The following WDR25 variants were observed in gnomAD, a reference collection of about 807,000 sequenced individuals.
The protein encoded by WDR25 is WD repeat domain 25.
A neutral mutation model predicts 47.7 loss-of-function variants in WDR25; 35 were observed. The ratio of observed to expected loss-of-function variants is 0.73; its 90% CI spans 0.56 to 0.97. The LOEUF (loss-of-function observed/expected upper bound fraction) is 0.97, where lower values mean the gene tolerates loss of function less well. Ranked by LOEUF, WDR25 falls within the 50% of genes least tolerant of loss-of-function variation. The pLI is 0.00. For missense variants in WDR25, 634 were observed against 704.7 expected, an observed-to-expected ratio of 0.90 and a Z score of 1.14; for synonymous variants, 248 against 278.9, an observed-to-expected ratio of 0.89 and a Z score of 1.10.
At chr14:100,408,874 G>T (rs1897624615) in intron 2 of WDR25, among the ~76,000 whole-genome samples, 1 of 152,134 alleles carries the variant, frequency 6.6e-6, no homozygotes, top group Non-Finnish European at 1.5e-5. Context: ...TATGCTCATT[G>T]TAGAAAATAC....
intron 2 of WDR25, among the ~76,000 whole-genome samples, chr14:100,383,730 C>T (rs1896957412): frequency 6.6e-6 from 1 of 152,230 alleles, no homozygotes. Context: ...TGAGTAGAGG[C>T]ATTGATTTCT....
intron 2 of WDR25, 107 bp downstream of exon 2, chr14:100,381,853 G>A: frequency 1.1e-6 from 1 of 922,464 alleles, no homozygotes; most frequent in Non-Finnish European, 1.6e-6. Flanking sequence ...TTTGTGTGCA[G>A]ATTTCTGTAA....
chr14:100,408,466 C>G (rs1031739317), intron 2 of WDR25, among the ~76,000 whole-genome samples: 5 of 152,172 alleles, frequency 3.3e-5, no homozygotes, highest in African/African-American at 9.7e-5. Context: ...GCCATGTTCT[C>G]TAGGGATGGT....
intron 3 of WDR25, among the ~76,000 whole-genome samples, chr14:100,470,545 A>T (rs1899794969): frequency 6.6e-6 from 1 of 152,180 alleles, no homozygotes; most frequent in South Asian, 2.1e-4. Flanking sequence ...ATTTTTAGAC[A>T]TTCAAAGAGG....
chr14:100,437,756 C>T (rs539403358), intron 2 of WDR25, among the ~76,000 whole-genome samples: 6 of 152,266 alleles, frequency 3.9e-5, no homozygotes, highest in Non-Finnish European at 5.9e-5. Context: ...TCCAACCCTA[C>T]GTTCACCCAC....
At chr14:100,409,765 T>G (rs1033189507) in intron 2 of WDR25, among the ~76,000 whole-genome samples, 3 of 152,200 alleles carry the variant, frequency 2.0e-5, no homozygotes, top group African/African-American at 7.2e-5. Context: ...GTAAGCAGTT[T>G]CCTGGGTGAG....
At chr14:100,419,832 A>C (rs1169466293) in intron 2 of WDR25, among the ~76,000 whole-genome samples, 1 of 152,242 alleles carries the variant, frequency 6.6e-6, no homozygotes. Context: ...ATTATGGGAC[A>C]GAGATGCAAA....
At chr14:100,410,781 A>ATTT (rs560217272) in intron 2 of WDR25, among the ~76,000 whole-genome samples, 1 of 139,166 alleles carries the variant, frequency 7.2e-6, no homozygotes, top group Non-Finnish European at 1.6e-5. Context: ...GTTTAAGCAG[A>ATTT]TTTTTTTTTT....
At chr14:100,476,420 A>G (rs1323434104) in intron 3 of WDR25, 1 of 152,254 alleles carries the variant, frequency 6.6e-6, no homozygotes, top group South Asian at 2.1e-4. Flanking sequence ...ATTTTAGCGA[A>G]GTGAGTCATA....
At chr14:100,460,445 C>G (rs1477440139) in intron 2 of WDR25, among the ~76,000 whole-genome samples, 1 of 152,144 alleles carries the variant, frequency 6.6e-6, no homozygotes, top group East Asian at 1.9e-4. Flanking sequence ...TTTAGCAAAT[C>G]AATCCAACTA....
At chr14:100,378,031 C>T (rs12897338) in intron 1 of WDR25, among the ~76,000 whole-genome samples, 53,498 of 152,058 alleles carry the variant, frequency 0.35, 11,735 homozygotes, top group South Asian at 0.65. Flanking sequence ...CTCTGCTGTC[C>T]TAGGAGTGCC....
intron 3 of WDR25, among the ~76,000 whole-genome samples, chr14:100,477,246 A>G (rs1900047758): frequency 6.6e-6 from 1 of 152,142 alleles, no homozygotes; most frequent in Non-Finnish European, 1.5e-5. Flanking sequence ...AACAAATGGA[A>G]TTTCTGCATT....
At position 100,468,772 on chromosome 14, in the gene WDR25, C is replaced by T. The variant is rs1213385146; in HGVS notation, c.970+604C>T. 6.6e-6 allele frequency among the ~76,000 whole-genome samples: 1 copy of T among 152,084 alleles called. No homozygotes were observed. The highest frequency in any genetic ancestry group is 1.5e-5 in the Non-Finnish European group (1 of 68,002). Reference sequence around the variant, plus strand: ...CTGTCAATACCCACCGCAGCCACAGCCCCCAGGTGGGCTCTCTCCGGGGTT... The same window carrying T: ...CTGTCAATACCCACCGCAGCCACAGTCCCCAGGTGGGCTCTCTCCGGGGTT... On this transcript the variant is annotated intron_variant, in intron 3 of 6. Transcript: ENST00000402312. The surrounding 1 kb of genome is among the most constrained non-coding windows in gnomAD (Gnocchi z 4.5).
chr14:100,441,449 C>T (rs913278512), intron 2 of WDR25, among the ~76,000 whole-genome samples: 1 of 152,082 alleles, frequency 6.6e-6, no homozygotes, highest in Non-Finnish European at 1.5e-5. Flanking sequence ...CCTCTCCAGA[C>T]AGGTCTTACC....
rs561440116 is a variant in WDR25 at position 100,404,799 on chromosome 14, C to T, written c.822+23053C>T. ...TCCTCCTGCCTGCATTCTCCTTCTG[C>T]TGTTACATGGGGGCATGCACCCCTC... On this transcript the variant is annotated intron_variant, in intron 2 of 6. Coordinates refer to ENST00000402312, the MANE Select transcript of WDR25 (RefSeq NM_001161476.3). This position sits in a 1 kb window ranked among gnomAD's most constrained non-coding sequence, Gnocchi z 4.6. Among the ~76,000 whole-genome samples the T allele has an allele frequency of 2.0e-5, 3 of 152,278 alleles. No homozygotes were observed. The highest frequency in any genetic ancestry group is 2.0e-4 in the Admixed American group (3 of 15,304).
chr14:100,414,294 G>A (rs567039502), intron 2 of WDR25, among the ~76,000 whole-genome samples: 82 of 144,348 alleles, frequency 5.7e-4, no homozygotes, highest in African/African-American at 1.9e-3. Flanking sequence ...GAGCCACCGC[G>A]CCCAGCCTAG....
intron 5 of WDR25, among the ~76,000 whole-genome samples, chr14:100,528,786 T>C (rs78159201): frequency 0.022 from 3,369 of 152,286 alleles, 125 homozygotes; most frequent in African/African-American, 0.07. Context: ...CTGGGAAACA[T>C]GGAGGAAACT....
intron 2 of WDR25, among the ~76,000 whole-genome samples, chr14:100,402,526 G>A (rs560750462): frequency 6.6e-6 from 1 of 152,278 alleles, no homozygotes; most frequent in East Asian, 1.9e-4. Flanking sequence ...TCAGCCAGGG[G>A]CCAGGGGTCC....
chr14:100,464,988 T>A (rs1899575847), intron 2 of WDR25, among the ~76,000 whole-genome samples: 1 of 150,694 alleles, frequency 6.6e-6, no homozygotes, highest in Non-Finnish European at 1.5e-5. Flanking sequence ...CCCTGCCTTA[T>A]CTACTCTCCC....
Sources: gnomAD v4.1 joint callset for allele counts (sites outside exome capture counted in the v4.1 genomes callset) on GRCh38, gnomAD v4.1.1 for gene constraint, Gnocchi (gnomAD v3.1) non-coding constraint, MANE v1.5 for transcripts, NCBI Gene and HGNC (gene_info 2026-07-23, HGNC 2026-07-21) for gene names.